SLC9A9: variants seen among roughly 807,000 people sequenced by gnomAD.
SLC9A9 encodes the protein sodium/hydrogen exchanger 9.
In SLC9A9, 62 loss-of-function variants were observed where a neutral mutation model predicts 77.8. That is an observed-to-expected ratio of 0.80 (90% CI 0.65 to 0.98). The LOEUF (loss-of-function observed/expected upper bound fraction) is 0.98. Ranked by LOEUF, SLC9A9 falls within the 50% of genes least tolerant of loss-of-function variation. The pLI is 0.00. For synonymous variants in SLC9A9, 320 were observed against 283.5 expected (o/e 1.13, Z -1.29); for missense variants, 775 against 774.9 (o/e 1.00, Z 0.00).
intron 6 of SLC9A9, among the ~76,000 whole-genome samples, chr3:143,592,222 AC>A (rs2037658297): frequency 6.6e-6 from 1 of 152,250 alleles, no homozygotes; most frequent in African/African-American, 2.4e-5. Flanking sequence ...AGTGCAAGGC[AC>A]ATGAAACAAG....
At chr3:143,444,343 T>C (rs2108547360) in intron 12 of SLC9A9, among the ~76,000 whole-genome samples, 1 of 152,302 alleles carries the variant, frequency 6.6e-6, no homozygotes, top group South Asian at 2.1e-4. Flanking sequence ...TTAATGAAGT[T>C]GCCAGGTTTC....
At chr3:143,294,457 G>A (rs558348525) in intron 14 of SLC9A9, among the ~76,000 whole-genome samples, 1 of 152,300 alleles carries the variant, frequency 6.6e-6, no homozygotes, top group South Asian at 2.1e-4. Context: ...AGGCAGCATA[G>A]AAATCTATTA....
intron 13 of SLC9A9, among the ~76,000 whole-genome samples, chr3:143,375,236 CAAACTGT>C (rs909121080): frequency 2.0e-5 from 3 of 152,138 alleles, no homozygotes; most frequent in Non-Finnish European, 4.4e-5. Context: ...CTATAAAGTC[CAAACTGT>C]TTACATTGGC....
intron 6 of SLC9A9, among the ~76,000 whole-genome samples, chr3:143,649,494 T>G (rs1474378219): frequency 3.3e-5 from 5 of 152,152 alleles, no homozygotes; most frequent in African/African-American, 1.2e-4. Context: ...GCCATCAAAT[T>G]TAATTATGTT....
At chr3:143,786,482 G>A (rs2008062561) in intron 4 of SLC9A9, among the ~76,000 whole-genome samples, 2 of 152,044 alleles carry the variant, frequency 1.3e-5, no homozygotes, top group African/African-American at 4.8e-5. Context: ...TGATACACGG[G>A]CTCACACAGC....
At chr3:143,547,538 C>G (rs1576568901) in intron 9 of SLC9A9, among the ~76,000 whole-genome samples, 1 of 152,304 alleles carries the variant, frequency 6.6e-6, no homozygotes, top group East Asian at 1.9e-4. Flanking sequence ...AGTGTTTCCC[C>G]ACCTCATTTG....
At chr3:143,740,670 G>C (rs1177230102) in intron 4 of SLC9A9, among the ~76,000 whole-genome samples, 1 of 152,110 alleles carries the variant, frequency 6.6e-6, no homozygotes, top group Non-Finnish European at 1.5e-5. Flanking sequence ...TTCCAGGAAA[G>C]AATGCAGACT....
chr3:143,278,827 G>A (rs1437691848), intron 14 of SLC9A9, among the ~76,000 whole-genome samples: 1 of 152,186 alleles, frequency 6.6e-6, no homozygotes, highest in African/African-American at 2.4e-5. Context: ...CTACTTCTAA[G>A]TAATCCCAAG....
At chr3:143,297,907 G>T (rs372261180) in intron 14 of SLC9A9, among the ~76,000 whole-genome samples, 2 of 152,296 alleles carry the variant, frequency 1.3e-5, no homozygotes, top group African/African-American at 4.8e-5. Flanking sequence ...AGTGGGAGTA[G>T]ACCTTGGAAT....
chr3:143,400,137 T>A (rs1180524999), intron 12 of SLC9A9, among the ~76,000 whole-genome samples: 1 of 152,104 alleles, frequency 6.6e-6, no homozygotes, highest in Non-Finnish European at 1.5e-5. Context: ...AACGTGCAGC[T>A]GGAATAAATG....
intron 6 of SLC9A9, among the ~76,000 whole-genome samples, chr3:143,635,654 T>G (rs2038508681): frequency 6.6e-6 from 1 of 152,242 alleles, no homozygotes; most frequent in African/African-American, 2.4e-5. Context: ...GCATGATTTC[T>G]ATTTGGCTGC....
chr3:143,389,675 C>G (rs544543119), intron 12 of SLC9A9, among the ~76,000 whole-genome samples: 1 of 152,216 alleles, frequency 6.6e-6, no homozygotes, highest in South Asian at 2.1e-4. Context: ...AATAGCAACC[C>G]CCTCAGAGTT....
chr3:143,802,394 C>G (rs1488089392), intron 2 of SLC9A9, among the ~76,000 whole-genome samples: 2 of 152,118 alleles, frequency 1.3e-5, no homozygotes, highest in African/African-American at 4.8e-5. Context: ...GGCCCCCTCC[C>G]TTCCCTACAC....
At chr3:143,844,887 T>C (rs954671319) in intron 1 of SLC9A9, among the ~76,000 whole-genome samples, 3 of 151,944 alleles carry the variant, frequency 2.0e-5, no homozygotes, top group Non-Finnish European at 4.4e-5. Context: ...ATAGTTTTGT[T>C]TCTTTTCTTC....
At chr3:143,373,608 A>AT in intron 13 of SLC9A9, among the ~76,000 whole-genome samples, 1 of 149,894 alleles carries the variant, frequency 6.7e-6, no homozygotes, top group African/African-American at 2.4e-5. Context: ...GAAATAGTAA[A>AT]AAAAAAAAAA....
intron 12 of SLC9A9, among the ~76,000 whole-genome samples, chr3:143,449,993 C>CATATATGCATATATACATATA (rs2034967690): frequency 4.5e-5 from 3 of 67,020 alleles, no homozygotes; most frequent in Admixed American, 2.8e-4. Flanking sequence ...TGTATATATA[C>CATATATGCATATATACATATA]ATATATATAC....
chr3:143,603,463 T>C (rs1409938358), intron 6 of SLC9A9, among the ~76,000 whole-genome samples: 4 of 152,198 alleles, frequency 2.6e-5, no homozygotes, highest in African/African-American at 4.8e-5. Context: ...TGCTCTTTCA[T>C]TCTCTCACAA....
At chr3:143,597,382 G>C (rs1376775622) in intron 6 of SLC9A9, among the ~76,000 whole-genome samples, 2 of 152,186 alleles carry the variant, frequency 1.3e-5, no homozygotes, top group Non-Finnish European at 2.9e-5. Context: ...AGACAGACAG[G>C]AGGGGGCCAA....
At chr3:143,680,327 C>T (rs545183847) in intron 5 of SLC9A9, among the ~76,000 whole-genome samples, 1 of 151,968 alleles carries the variant, frequency 6.6e-6, no homozygotes, top group African/African-American at 2.4e-5. Context: ...AATTTAGAAA[C>T]TGCTGGAAGG....
Sources: gnomAD v4.1 joint callset for allele counts (sites outside exome capture counted in the v4.1 genomes callset) on GRCh38, gnomAD v4.1.1 for gene constraint, MANE v1.5 for transcripts, NCBI Gene and HGNC (gene_info 2026-07-23, HGNC 2026-07-21) for gene names.